The following DMD variants were observed in gnomAD, a reference collection of about 807,000 sequenced individuals.
The protein encoded by DMD is dystrophin.
Under a neutral mutation model 330.1 loss-of-function variants are expected in DMD, and 63 were observed. The observed-to-expected ratio is 0.19, with a 90% CI of 0.16 to 0.24. The LOEUF (loss-of-function observed/expected upper bound fraction) is 0.24. Ranked by LOEUF, DMD falls within the 10% of genes least tolerant of loss-of-function variation. The pLI is 1.00. For synonymous variants in DMD, 1,223 were observed against 959.8 expected, an observed-to-expected ratio of 1.27 and a Z score of -5.07; for missense variants, 3,344 against 2,684.1, an observed-to-expected ratio of 1.25 and a Z score of -5.43.
At chrX:32,767,713 A>T (rs1310932981) in intron 7 of DMD, among the ~76,000 whole-genome samples, 1 of 111,833 alleles carries the variant, frequency 8.9e-6, no homozygotes, top group African/African-American at 3.2e-5. Context: ...TTTTGTAAGG[A>T]TTATAACTAG....
At chrX:32,195,097 A>T (rs771148751) in intron 44 of DMD, among the ~76,000 whole-genome samples, 1 of 111,469 alleles carries the variant, frequency 9.0e-6, no homozygotes, top group South Asian at 3.7e-4. Flanking sequence ...ATTTTTGGAG[A>T]CAGAAGTTGC....
intron 33 of DMD, among the ~76,000 whole-genome samples, chrX:32,383,343 G>C (rs2097937719): frequency 9.0e-6 from 1 of 111,181 alleles, no homozygotes; most frequent in Non-Finnish European, 1.9e-5. Flanking sequence ...AATTGTGGCA[G>C]ACACAACCAT....
At chrX:32,449,606 C>T (rs777099584) in intron 26 of DMD, among the ~76,000 whole-genome samples, 2 of 105,955 alleles carry the variant, frequency 1.9e-5, no homozygotes, top group Admixed American at 1.0e-4. Context: ...TTCATCCACA[C>T]GCACCCCCTG....
chrX:32,280,083 ATTTATATATAGTATATG>A (rs1369733467), intron 43 of DMD, among the ~76,000 whole-genome samples: 4 of 101,764 alleles, frequency 3.9e-5, no homozygotes, highest in African/African-American at 7.1e-5. Flanking sequence ...TAGTAAATCT[ATTTATATATAGTATATG>A]TTTATATATA....
At position 31,265,388 on chromosome X, in the gene DMD, AT is replaced by A. The variant is rs752342712; in HGVS notation, c.9225-4373del. Among the ~76,000 whole-genome samples the A allele has an allele frequency of 8.3e-4, 92 of 111,430 alleles. 1 individual carries two copies. The highest frequency in any genetic ancestry group is 2.9e-3 in the African/African-American group (89 of 30,626). On this transcript the variant is annotated intron_variant, in intron 62 of 78. Transcript: ENST00000357033. ...GGGGTTTGGAGGGGTGGGCATCAAT[AT>A]AAGCATCAGAAATCCATTCTAGTTC... is the stretch of plus-strand genomic sequence containing the variant.
chrX:31,326,023 T>C (rs2056760254), intron 61 of DMD, among the ~76,000 whole-genome samples: 1 of 109,815 alleles, frequency 9.1e-6, no homozygotes, highest in Non-Finnish European at 1.9e-5. Flanking sequence ...CATCCTCTGA[T>C]AGCAGAAGAA....
At chrX:32,760,907 A>C (rs1410989332) in intron 7 of DMD, among the ~76,000 whole-genome samples, 1 of 110,635 alleles carries the variant, frequency 9.0e-6, no homozygotes, top group Non-Finnish European at 1.9e-5. Flanking sequence ...CCTTCCTCTT[A>C]TTTCTTCTTC....
At chrX:33,157,335 T>G (rs946557148) in intron 1 of DMD, among the ~76,000 whole-genome samples, 2 of 111,774 alleles carry the variant, frequency 1.8e-5, no homozygotes, top group African/African-American at 3.3e-5. Flanking sequence ...GGATTCTCCC[T>G]GTGTGTCTTC....
chrX:31,467,359 G>C (rs1168380782), intron 59 of DMD, among the ~76,000 whole-genome samples: 1 of 111,414 alleles, frequency 9.0e-6, no homozygotes, highest in African/African-American at 3.3e-5. Context: ...AATTTATTGA[G>C]AGTTTTTAGC....
At chrX:33,006,182 A>G (rs1298919908) in intron 2 of DMD, among the ~76,000 whole-genome samples, 2 of 111,820 alleles carry the variant, frequency 1.8e-5, no homozygotes, top group African/African-American at 6.5e-5. Flanking sequence ...AAGTTGATCT[A>G]CAGATTTAAC....
At chrX:32,992,246 T>A (rs1364375390) in intron 2 of DMD, among the ~76,000 whole-genome samples, 1 of 111,927 alleles carries the variant, frequency 8.9e-6, no homozygotes, top group Non-Finnish European at 1.9e-5. Flanking sequence ...GCAGCAGTGA[T>A]GCAAATGAAT....
At chrX:32,276,084 G>A (rs1050878549) in intron 43 of DMD, among the ~76,000 whole-genome samples, 9 of 112,030 alleles carry the variant, frequency 8.0e-5, no homozygotes, top group African/African-American at 2.9e-4. Flanking sequence ...ACAGCTACTG[G>A]GGGACTTTAC....
chrX:32,086,217 C>A (rs959296327), intron 44 of DMD, among the ~76,000 whole-genome samples: 3 of 111,882 alleles, frequency 2.7e-5, no homozygotes, highest in Non-Finnish European at 3.8e-5. Flanking sequence ...TGTTTTCTTT[C>A]TTGAAGTGGA....
At chrX:32,018,975 T>C (rs2095787858) in intron 44 of DMD, among the ~76,000 whole-genome samples, 1 of 111,660 alleles carries the variant, frequency 9.0e-6, no homozygotes, top group African/African-American at 3.3e-5. Flanking sequence ...TAAAGGAGGA[T>C]TGCCTGTTTT....
chrX:32,815,520 T>TATACACAC, intron 6 of DMD, among the ~76,000 whole-genome samples: 21,445 of 78,133 alleles, frequency 0.27, 3,336 homozygotes, highest in Non-Finnish European at 0.35. Flanking sequence ...TATATATATA[T>TATACACAC]ACACACACAC....
intron 76 of DMD, among the ~76,000 whole-genome samples, chrX:31,135,815 C>G (rs759650561): frequency 3.6e-5 from 4 of 112,448 alleles, no homozygotes; most frequent in Admixed American, 9.4e-5. Flanking sequence ...TCACTTCCAT[C>G]TAAAACAAGA....
At chrX:33,305,024 C>T (rs868755911) in intron 1 of DMD, among the ~76,000 whole-genome samples, 21 of 109,387 alleles carry the variant, frequency 1.9e-4, no homozygotes, top group Non-Finnish European at 3.8e-4. Flanking sequence ...CCTCAGGGAT[C>T]TAGAACTAGA....
intron 34 of DMD, among the ~76,000 whole-genome samples, chrX:32,373,210 G>A (rs2097886777): frequency 9.2e-6 from 1 of 108,172 alleles, no homozygotes; most frequent in Non-Finnish European, 1.9e-5. Flanking sequence ...TTAATTCTGA[G>A]CAGGAAGAAA....
chrX:32,760,245 C>T (rs1187248953), intron 7 of DMD, among the ~76,000 whole-genome samples: 1 of 111,770 alleles, frequency 8.9e-6, no homozygotes, highest in East Asian at 2.8e-4. Context: ...TCTTTTTACA[C>T]TACCTTCTAT....
Sources: gnomAD v4.1 joint callset for allele counts (sites outside exome capture counted in the v4.1 genomes callset) on GRCh38, gnomAD v4.1.1 for gene constraint, MANE v1.5 for transcripts, NCBI Gene and HGNC (gene_info 2026-07-23, HGNC 2026-07-21) for gene names.